Variants in MAP7D2 observed in about 807,000 individuals in gnomAD.
MAP7D2 encodes MAP7 domain containing 2, also known as MAP7 domain-containing protein 2.
In MAP7D2, 33 loss-of-function variants were observed where a neutral mutation model predicts 63.5. That is an observed-to-expected ratio of 0.52 (90% CI 0.39 to 0.70). The LOEUF is 0.70. Ranked by LOEUF, MAP7D2 falls within the 30% of genes least tolerant of loss-of-function variation. The pLI is 0.00. For synonymous variants in MAP7D2, 224 were observed against 223.7 expected, an observed-to-expected ratio of 1.00 and a Z score of -0.01; for missense variants, 626 against 604.0, an observed-to-expected ratio of 1.04 and a Z score of -0.38.
At chrX:20,115,625 T>C (rs1339852917) in intron 1 of MAP7D2, among the ~76,000 whole-genome samples, 1 of 111,595 alleles carries the variant, frequency 9.0e-6, no homozygotes, top group Non-Finnish European at 1.9e-5. Flanking sequence ...CTGGAAATGA[T>C]TTAAGCTATC....
intron 3 of MAP7D2, among the ~76,000 whole-genome samples, chrX:20,059,127 G>GTA (rs1208727898): frequency 8.9e-6 from 1 of 112,473 alleles, no homozygotes; most frequent in Non-Finnish European, 1.9e-5. Context: ...CTAGTATGCA[G>GTA]TAAGTCCTTA....
chrX:20,096,128 GA>G (rs1431812492), intron 1 of MAP7D2, among the ~76,000 whole-genome samples: 3 of 67,628 alleles, frequency 4.4e-5, no homozygotes, highest in Non-Finnish European at 9.0e-5. Context: ...AAAAAGAAAA[GA>G]AAAGAAAAGA....
intron 8 of MAP7D2, among the ~76,000 whole-genome samples, chrX:20,033,498 T>C (rs1166458250): frequency 9.0e-6 from 1 of 111,638 alleles, no homozygotes; most frequent in East Asian, 2.8e-4. Flanking sequence ...TTGAATCTAG[T>C]TTTCTAAAAC....
rs2073054454 is a variant in MAP7D2 at position 20,007,828 on chromosome X, G to T, written c.*597C>A. 8.9e-6 allele frequency: 1 copy of T among 111,921 alleles called. No individual in the cohort carries two copies. The highest frequency in any genetic ancestry group is 1.9e-5 in the Non-Finnish European group (1 of 53,211). The allele number at this position is 111,921 out of a possible 1,213,427, so 9.2% of individuals were successfully genotyped here. ...CAAACTTACTACTTTAACCCCAGAA[G>T]AATAATGTGGGGCAATGCATTTCTG... On this transcript the variant is annotated 3_prime_UTR_variant, in exon 17 of 17. Transcript: ENST00000379643.
chrX:20,016,217 T>A lies in MAP7D2; in HGVS notation c.1521A>T (p.Lys507Asn). The change falls in exon 11 of 17, where the codon AAA becomes AAT. Residue 507 changes from lysine to asparagine, a missense_variant. Transcript: ENST00000379643. ...EERKRQEEEK[K>N]KQEGEEKRKA... ...TTCTTTTCTCTTCCCCTTCCTGTTTTTTCTTTTCCTCTTCCTGCCGCTTCC... is the reference window on the plus strand; with the variant it reads ...TTCTTTTCTCTTCCCCTTCCTGTTTATTCTTTTCCTCTTCCTGCCGCTTCC... The A allele has an allele frequency of 1.7e-6, 2 of 1,200,762 alleles. No individual in the cohort carries two copies. Among genetic ancestry groups the A allele is most frequent in the Non-Finnish European group, 1.1e-6 (1 of 889,531 alleles).
chrX:20,116,664 C>T, intron 1 of MAP7D2, 86 bp downstream of exon 1: 10 of 1,058,252 alleles, frequency 9.4e-6, no homozygotes, highest in Non-Finnish European at 1.1e-5. Flanking sequence ...CCCCCACGCT[C>T]GAGGACCTTT....
chrX:20,081,991 T>A (rs2065789423), intron 1 of MAP7D2, among the ~76,000 whole-genome samples: 1 of 111,587 alleles, frequency 9.0e-6, no homozygotes. Context: ...AACTACCCAA[T>A]GTGAACTGCT....
At chrX:20,083,310 T>C (rs1372573537) in intron 1 of MAP7D2, among the ~76,000 whole-genome samples, 1 of 112,176 alleles carries the variant, frequency 8.9e-6, no homozygotes, top group Non-Finnish European at 1.9e-5. Flanking sequence ...TATGGACATG[T>C]ACAAGCTTCT....
At chrX:20,099,118 T>C (rs2148523282) in intron 1 of MAP7D2, among the ~76,000 whole-genome samples, 1 of 112,457 alleles carries the variant, frequency 8.9e-6, no homozygotes, top group South Asian at 3.7e-4. Flanking sequence ...GTACCTCCTA[T>C]CCTGAGATAA....
chrX:20,041,289 C>T (rs1223916641), intron 8 of MAP7D2, among the ~76,000 whole-genome samples: 1 of 111,474 alleles, frequency 9.0e-6, no homozygotes, highest in Non-Finnish European at 1.9e-5. Flanking sequence ...GGTAGGATAA[C>T]AACACCATAA....
intron 1 of MAP7D2, among the ~76,000 whole-genome samples, chrX:20,102,778 G>T (rs1455103395): frequency 1.8e-5 from 2 of 108,559 alleles, no homozygotes; most frequent in African/African-American, 3.4e-5. Context: ...TGGGCGGGGT[G>T]GGGGGGAGTC....
chrX:20,106,835 G>C (rs1366930305), intron 1 of MAP7D2, among the ~76,000 whole-genome samples: 2 of 110,990 alleles, frequency 1.8e-5, no homozygotes, highest in African/African-American at 6.6e-5. Context: ...ATTCAAAAAT[G>C]ATCCAGGCAT....
rs1569140673 is a variant in MAP7D2, at chrX:20,094,514, ATGTATATATATATATATATATATATATG to A, written c.130+22208_130+22235del. Reference sequence around the variant, plus strand: ...TATATATATATATATATATATATATATGTATATATATATATATATATATATATGTATATATATATATATATATATATAT... The same window carrying A: ...TATATATATATATATATATATATATATATATATATATATATATATATATAT... On this transcript the variant is annotated intron_variant, in intron 1 of 16. Coordinates refer to ENST00000379643, the MANE Select transcript of MAP7D2 (RefSeq NM_001168465.2). Among the ~76,000 whole-genome samples, 77 of 9,961 alleles carry A rather than the reference ATGTATATATATATATATATATATATATG, an allele frequency of 7.7e-3. 4 individuals are homozygous for A. Among genetic ancestry groups the A allele is most frequent in the Middle Eastern group, 0.077 (1 of 13 alleles). 8.6% of individuals were successfully genotyped at this position (9,961 alleles called of 115,157 possible). A position where few individuals can be genotyped will look rare whatever the true frequency, so the allele number is the denominator to read the frequency against.
rs766510441 is a variant in MAP7D2, at chrX:20,064,719, A to C, written c.208+9T>G. 8.3e-7 allele frequency: 1 copy of C among 1,206,098 alleles called. No individual in the cohort carries two copies. Among genetic ancestry groups the C allele is most frequent in the East Asian group, 3.0e-5 (1 of 33,776 alleles). On this transcript the variant is annotated intron_variant, in intron 2 of 16. Coordinates refer to ENST00000379643, the MANE Select transcript of MAP7D2 (RefSeq NM_001168465.2). Reference sequence around the variant, plus strand: ...CCTTGGACCAAAATAGCCAAAGTGCATAACTTACCCAGACATTTTTCTCTT... The same window carrying C: ...CCTTGGACCAAAATAGCCAAAGTGCCTAACTTACCCAGACATTTTTCTCTT...
intron 1 of MAP7D2, among the ~76,000 whole-genome samples, chrX:20,088,468 G>GTTTTTTTTTTTTTTTTT (rs779366726): frequency 4.9e-5 from 2 of 41,072 alleles, no homozygotes; most frequent in African/African-American, 6.0e-5. Context: ...CTAATTTTCA[G>GTTTTTTTTTTTTTTTTT]TTTTTTTTTT....
At position 20,084,725 on chromosome X, in the gene MAP7D2, C is replaced by T. The variant is rs1427464094; in HGVS notation, c.131-19920G>A. ...CTGGGATTACAGGTGCGCACCACCA[C>T]GCCCAGCTAATTTTTGAATTTTTAA... is the stretch of plus-strand genomic sequence containing the variant. On this transcript the variant is annotated intron_variant, in intron 1 of 16. Transcript: ENST00000379643. Among the ~76,000 whole-genome samples the T allele has an allele frequency of 6.4e-5, 7 of 109,914 alleles. No homozygotes were observed. In the East Asian group the frequency reaches 1.4e-3, roughly 22 times the overall value.
At chrX:20,067,756 T>C (rs1236927168) in intron 1 of MAP7D2, among the ~76,000 whole-genome samples, 1 of 112,402 alleles carries the variant, frequency 8.9e-6, no homozygotes, top group Admixed American at 9.4e-5. Flanking sequence ...TTAGTCTTAG[T>C]GCTGTAACGA....
At position 20,015,216 on chromosome X, in the gene MAP7D2, C is replaced by T. The variant is rs193222986; in HGVS notation, c.1749+7G>A. ...TACCCTAGGTCTTCCTGACCCTCAG[C>T]CCTTACCTTCTTTCTCTCCAGTCTC... On this transcript the variant is annotated splice_region_variant and intron_variant, in intron 12 of 16. Coordinates refer to ENST00000379643, the MANE Select transcript of MAP7D2 (RefSeq NM_001168465.2). 2 of 1,188,423 alleles carry T rather than the reference C, an allele frequency of 1.7e-6. No homozygotes were observed. The highest frequency in any genetic ancestry group is 2.2e-5 in the Admixed American group (1 of 45,727).
chrX:20,095,210 TTTTGTTTGTTTG>T (rs750423835), intron 1 of MAP7D2, among the ~76,000 whole-genome samples: 13 of 111,218 alleles, frequency 1.2e-4, no homozygotes, highest in Admixed American at 7.7e-4. Context: ...GATTTTAAGG[TTTTGTTTGTTTG>T]TTTGTTTGTT....
Sources: allele counts gnomAD v4.1 joint callset (sites outside exome capture counted in the v4.1 genomes callset), GRCh38; gene constraint gnomAD v4.1.1; transcripts MANE v1.5; gene names NCBI Gene and HGNC (gene_info 2026-07-23, HGNC 2026-07-21).